The following R3HDML variants were observed in gnomAD, a reference collection of about 807,000 sequenced individuals.
The protein encoded by R3HDML is peptidase inhibitor R3HDML.
Under a neutral mutation model 24.2 loss-of-function variants are expected in R3HDML, and 21 were observed. The ratio of observed to expected loss-of-function variants is 0.87; its 90% CI spans 0.62 to 1.25. The LOEUF (loss-of-function observed/expected upper bound fraction) is 1.25. R3HDML is among the 50% of genes most tolerant of loss of function. R3HDML has a pLI of 0.00. For missense variants in R3HDML, 301 were observed against 340.3 expected, an observed-to-expected ratio of 0.88 and a Z score of 0.91; for synonymous variants, 133 against 131.5, an observed-to-expected ratio of 1.01 and a Z score of -0.08.
intron 4 of R3HDML, among the ~76,000 whole-genome samples, chr20:44,350,300 G>A (rs1600604881): frequency 6.6e-6 from 1 of 151,982 alleles, no homozygotes; most frequent in African/African-American, 2.4e-5. Flanking sequence ...GACTGCTTGA[G>A]TCCAGAAGTT....
At chr20:44,338,103 C>T (rs948056756) in intron 1 of R3HDML, among the ~76,000 whole-genome samples, 2 of 152,176 alleles carry the variant, frequency 1.3e-5, no homozygotes, top group Admixed American at 1.3e-4. Context: ...GGGCACCAAC[C>T]TTTTGCTTAC....
At position 44,350,937 on chromosome 20, in the gene R3HDML, C is replaced by A; in HGVS notation, c.*145C>A. On this transcript the variant is annotated 3_prime_UTR_variant, in exon 5 of 5. Transcript: ENST00000217043. ...TGAATTTTCCCTCCTAGATCCCCTT[C>A]TTAAATGTCCAACATGGGTCAAAAG... 1.2e-6 allele frequency: 1 copy of A among 865,518 alleles called. No homozygotes were observed. The highest frequency in any genetic ancestry group is 1.8e-6 in the Non-Finnish European group (1 of 566,754). The allele number at this position is 865,518 out of a possible 1,614,324, so 53.6% of individuals were successfully genotyped here. A position where few individuals can be genotyped will look rare whatever the true frequency, so the allele number is the denominator to read the frequency against.
intron 3 of R3HDML, among the ~76,000 whole-genome samples, chr20:44,344,675 C>T (rs371078794): frequency 4.8e-5 from 7 of 146,610 alleles, no homozygotes; most frequent in East Asian, 2.1e-4. Context: ...CCCAGCTACT[C>T]GGGAGGCTGA....
At chr20:44,341,167 G>T in intron 1 of R3HDML, 29 bp from the exon 2 acceptor site, 1 of 1,573,652 alleles carries the variant, frequency 6.4e-7, no homozygotes, top group African/African-American at 1.3e-5. Flanking sequence ...CAATTCCCCT[G>T]GGGAATTTCA....
At chr20:44,344,386 G>T (rs1456939032) in intron 3 of R3HDML, among the ~76,000 whole-genome samples, 1 of 152,086 alleles carries the variant, frequency 6.6e-6, no homozygotes, top group Non-Finnish European at 1.5e-5. Context: ...AGGTTGTGGT[G>T]AGCTATGATC....
chr20:44,337,248 C>A lies in R3HDML; in HGVS notation c.91C>A (p.Pro31Thr), dbSNP rs1432931529. 5.0e-6 allele frequency: 8 copies of A among 1,613,962 alleles called. No individual in the cohort carries two copies. The highest frequency in any genetic ancestry group is 6.8e-6 in the Non-Finnish European group (8 of 1,180,030). ...CGCCTTGATAATGCCTAATGCTACC[C>A]CAGCCCCGGCCCAGCCCGAGAGCAC... ...VNALIMPNATPAPAQPESTAM... is the reference protein window; with the variant it reads ...VNALIMPNATTAPAQPESTAM... The change falls in exon 1 of 5, where the codon CCA (proline) becomes ACA (threonine). Residue 31 changes from proline (P) to threonine (T), a missense_variant. By Grantham distance (38) the Pro-to-Thr change is conservative. Coordinates refer to ENST00000217043, the MANE Select transcript of R3HDML (RefSeq NM_178491.4). The surrounding 1 kb of genome is among the most constrained non-coding windows in gnomAD (Gnocchi z 4.7).
intron 3 of R3HDML, chr20:44,344,935 T>A (rs2062782327): frequency 3.3e-6 from 1 of 302,942 alleles, no homozygotes; most frequent in Admixed American, 4.9e-5. Flanking sequence ...GAGTGCAGTA[T>A]GAAATGAAAG....
rs754876787 is a variant in R3HDML, at chr20:44,341,199, T to C, written c.265T>C (p.Trp89Arg). The C allele has an allele frequency of 3.7e-6, 6 of 1,611,752 alleles. No individual in the cohort carries two copies. Among genetic ancestry groups the C allele is most frequent in the Non-Finnish European group, 4.2e-6 (5 of 1,178,442 alleles). ...TTCATTGCCTTTCTTTCCCCAGGTC[T>C]GGGACAAGCGGCTGGCCAGGGCTGC... is the stretch of plus-strand genomic sequence containing the variant. ...PPAANMEYMV[W>R]DKRLARAAEA... The change falls in exon 2 of 5, where the codon TGG becomes CGG. Residue 89 changes from tryptophan (W) to arginine (R), a missense_variant. Coordinates refer to ENST00000217043, the MANE Select transcript of R3HDML (RefSeq NM_178491.4).
intron 3 of R3HDML, 70 bp from the exon 4 acceptor site, chr20:44,345,193 G>A: frequency 1.6e-6 from 2 of 1,252,542 alleles, no homozygotes; most frequent in Non-Finnish European, 2.4e-6. Flanking sequence ...TAATGCAACT[G>A]TACAACCCCA....
In R3HDML at chr20:44,337,835, G is replaced by A. The variant is rs2062761854; in HGVS notation, c.261+417G>A. ...CACAATCCCCTACCCAAGAATTTTG[G>A]CTCCCCACACTGGGGACCTGCATGG... On this transcript the variant is annotated intron_variant, in intron 1 of 4. Coordinates refer to ENST00000217043, the MANE Select transcript of R3HDML (RefSeq NM_178491.4). This position sits in a 1 kb window ranked among gnomAD's most constrained non-coding sequence, Gnocchi z 4.7. Among the ~76,000 whole-genome samples the A allele has an allele frequency of 2.0e-5, 3 of 152,036 alleles. No individual in the cohort carries two copies. The highest frequency in any genetic ancestry group is 2.0e-4 in the Admixed American group (3 of 15,268).
Position 44,341,606 on chromosome 20 carries a change from C to G in R3HDML, c.380+292C>G, listed in dbSNP as rs369678523. Among the ~76,000 whole-genome samples the G allele has an allele frequency of 1.1e-4, 16 of 152,228 alleles. No individual in the cohort carries two copies. In the South Asian group the frequency reaches 3.3e-3, roughly 32 times the overall value. On this transcript the variant is annotated intron_variant, in intron 2 of 4. Coordinates refer to ENST00000217043, the MANE Select transcript of R3HDML (RefSeq NM_178491.4). ...GACTAAGAAAATAGGATAAGGGGGC[C>G]GGGCACGGTGGCTTACACCTGTAAT... is the stretch of plus-strand genomic sequence containing the variant.
rs781649728 is a variant in R3HDML at position 44,343,475 on chromosome 20, G to A, written c.479G>A (p.Arg160His). 1.4e-5 allele frequency: 23 copies of A among 1,611,912 alleles called. No homozygotes were observed. The highest frequency in any genetic ancestry group is 2.7e-5 in the African/African-American group (2 of 74,824). ...PRDCNPHCPW[R>H]CDGPTCSHYT... ...GACTGTAACCCACACTGCCCCTGGCGCTGCGATGGCCCCACCTGCTCCCAT... is the reference window on the plus strand; with the variant it reads ...GACTGTAACCCACACTGCCCCTGGCACTGCGATGGCCCCACCTGCTCCCAT... The change falls in exon 3 of 5, where the codon CGC (arginine) becomes CAC (histidine). Residue 160 changes from arginine to histidine, a missense_variant. Physicochemically the swap from Arg to His is conservative, Grantham distance 29. Transcript: ENST00000217043.
chr20:44,341,712 C>T (rs974199344), intron 2 of R3HDML, among the ~76,000 whole-genome samples: 2 of 152,050 alleles, frequency 1.3e-5, no homozygotes, highest in Non-Finnish European at 2.9e-5. Flanking sequence ...TGGTGAAACC[C>T]CGTCTCTACC....
chr20:44,345,894 G>A (rs538576030), intron 4 of R3HDML, among the ~76,000 whole-genome samples: 54 of 151,070 alleles, frequency 3.6e-4, no homozygotes, highest in Admixed American at 2.5e-3. Flanking sequence ...ATCTCAGCTC[G>A]CTGCAGCCTC....
In R3HDML at chr20:44,337,122, T is replaced by C; in HGVS notation, c.-36T>C. 1.9e-6 allele frequency: 3 copies of C among 1,584,314 alleles called. No individual in the cohort carries two copies. The highest frequency in any genetic ancestry group is 2.2e-5 in the South Asian group (2 of 88,988). ...GCCCCTTCCAGGCAGCCGGCTCTGA[T>C]TGCACAAGGCAGACCTGTGACTCCT... On this transcript the variant is annotated 5_prime_UTR_variant, in exon 1 of 5. Transcript: ENST00000217043. The surrounding 1 kb of genome is among the most constrained non-coding windows in gnomAD (Gnocchi z 4.7).
At chr20:44,345,110 C>T (rs1027757863) in intron 3 of R3HDML, among the ~76,000 whole-genome samples, 153 bp from the exon 4 acceptor site, 3 of 152,162 alleles carry the variant, frequency 2.0e-5, no homozygotes, top group African/African-American at 7.2e-5. Flanking sequence ...CATCATGTTA[C>T]AATATAAATG....
Position 44,337,589 on chromosome 20 carries a change from C to G in R3HDML, c.261+171C>G, listed in dbSNP as rs571267810. Among the ~76,000 whole-genome samples the G allele has an allele frequency of 6.6e-6, 1 of 152,308 alleles. No homozygotes were observed. The highest frequency in any genetic ancestry group is 6.5e-5 in the Admixed American group (1 of 15,294). ...GTGGAAAGGGCAGGAGTTAATCTGC[C>G]CATTTTACAGATGAGGAAACCAAGA... On this transcript the variant is annotated intron_variant, in intron 1 of 4. Transcript: ENST00000217043. The surrounding 1 kb of genome is among the most constrained non-coding windows in gnomAD (Gnocchi z 4.7).
rs549297405 is a variant in R3HDML at position 44,337,476 on chromosome 20, G to A, written c.261+58G>A. The A allele has an allele frequency of 1.7e-5, 26 of 1,555,272 alleles. No individual in the cohort carries two copies. The highest frequency in any genetic ancestry group is 3.4e-4 in the Middle Eastern group (2 of 5,868). ...AGTGTCCCTTCCGGCAAACGCAGCC[G>A]GACTCATCTTGGCCTAGAATGACTG... On this transcript the variant is annotated intron_variant, in intron 1 of 4. Coordinates refer to ENST00000217043, the MANE Select transcript of R3HDML (RefSeq NM_178491.4). This position sits in a 1 kb window ranked among gnomAD's most constrained non-coding sequence, Gnocchi z 4.7.
intron 1 of R3HDML, among the ~76,000 whole-genome samples, chr20:44,340,121 A>ATTTTTTTTTTTTTTTTTTT (rs2062768266): frequency 6.6e-6 from 1 of 151,680 alleles, no homozygotes; most frequent in African/African-American, 2.4e-5. Flanking sequence ...CACCCGGCTA[A>ATTTTTTTTTTTTTTTTTTT]TTTTTATATT....
Sources: allele counts gnomAD v4.1 joint callset (sites outside exome capture counted in the v4.1 genomes callset), GRCh38; gene constraint gnomAD v4.1.1; non-coding constraint Gnocchi (gnomAD v3.1); transcripts MANE v1.5; gene names NCBI Gene and HGNC (gene_info 2026-07-23, HGNC 2026-07-21).